GRID1: variants seen among roughly 807,000 people sequenced by gnomAD.
GRID1 encodes glutamate receptor ionotropic, delta-1.
Under a neutral mutation model 98.0 loss-of-function variants are expected in GRID1, and 28 were observed. The observed-to-expected ratio is 0.29, with a 90% confidence interval of 0.21 to 0.39. The LOEUF (loss-of-function observed/expected upper bound fraction) is 0.39. Among genes scored for constraint, GRID1 ranks in the 10% least tolerant of loss-of-function variants. The pLI is 1.00. For missense variants in GRID1, 1,111 were observed against 1,340.5 expected (o/e 0.83, Z 2.67); for synonymous variants, 553 against 538.5 (o/e 1.03, Z -0.37).
At chr10:85,811,673 GAACA>G (rs1016618421) in intron 8 of GRID1, among the ~76,000 whole-genome samples, 2 of 151,994 alleles carry the variant, frequency 1.3e-5, no homozygotes, top group African/African-American at 4.8e-5. Flanking sequence ...AAAAGAGAAA[GAACA>G]AATAAAGAAA....
intron 4 of GRID1, among the ~76,000 whole-genome samples, chr10:86,091,094 A>C (rs1050628397): frequency 1.3e-5 from 2 of 152,180 alleles, no homozygotes; most frequent in African/African-American, 4.8e-5. Flanking sequence ...GGAATTCTCT[A>C]GCTGAACTTT....
chr10:86,243,955 CTGCACATACA>C (rs1421537467), intron 2 of GRID1, among the ~76,000 whole-genome samples: 2 of 152,230 alleles, frequency 1.3e-5, no homozygotes, highest in African/African-American at 2.4e-5. Flanking sequence ...GCATACATAC[CTGCACATACA>C]TGCACACACG....
At chr10:85,991,599 G>A (rs1842680936) in intron 4 of GRID1, among the ~76,000 whole-genome samples, 1 of 152,194 alleles carries the variant, frequency 6.6e-6, no homozygotes, top group Admixed American at 6.5e-5. Context: ...GGAGGGCTCT[G>A]GGCTGATGCT....
At chr10:85,812,751 T>C (rs1333020103) in intron 8 of GRID1, among the ~76,000 whole-genome samples, 1 of 150,918 alleles carries the variant, frequency 6.6e-6, no homozygotes, top group East Asian at 1.9e-4. Context: ...TCTCTCTCTC[T>C]CCCTCCCCCC....
At chr10:86,117,539 C>T (rs1292298773) in intron 4 of GRID1, among the ~76,000 whole-genome samples, 2 of 151,516 alleles carry the variant, frequency 1.3e-5, no homozygotes, top group Non-Finnish European at 2.9e-5. Flanking sequence ...ATCACCACTA[C>T]CATCATCACC....
intron 4 of GRID1, among the ~76,000 whole-genome samples, chr10:86,004,957 C>G (rs554644397): frequency 1.6e-4 from 25 of 152,096 alleles, no homozygotes; most frequent in Non-Finnish European, 2.6e-4. Flanking sequence ...ATCATTGATT[C>G]CATTTTATAA....
intron 2 of GRID1, among the ~76,000 whole-genome samples, chr10:86,257,180 G>A (rs962802009): frequency 6.6e-6 from 1 of 152,196 alleles, no homozygotes; most frequent in African/African-American, 2.4e-5. Context: ...ATTTCAATGA[G>A]GTATTCACAC....
At chr10:85,841,945 T>C (rs979077935) in intron 8 of GRID1, among the ~76,000 whole-genome samples, 7 of 152,114 alleles carry the variant, frequency 4.6e-5, no homozygotes, top group Admixed American at 3.3e-4. Flanking sequence ...AAGAAAGACA[T>C]ACTATTCAAC....
chr10:85,974,560 T>C (rs1842448018), intron 4 of GRID1, among the ~76,000 whole-genome samples: 1 of 152,200 alleles, frequency 6.6e-6, no homozygotes, highest in Non-Finnish European at 1.5e-5. Context: ...GCACCAGTCA[T>C]TGGAGATATT....
At chr10:86,275,474 T>A (rs1184243381) in intron 2 of GRID1, among the ~76,000 whole-genome samples, 2 of 151,622 alleles carry the variant, frequency 1.3e-5, no homozygotes, top group African/African-American at 4.8e-5. Context: ...TTAAAACAAC[T>A]GTCTTAAATA....
chr10:86,347,480 C>G (rs1168666216), intron 2 of GRID1, among the ~76,000 whole-genome samples: 1 of 152,204 alleles, frequency 6.6e-6, no homozygotes, highest in African/African-American at 2.4e-5. Context: ...CCATACCAGC[C>G]CAGTGAGCTG....
chr10:86,163,649 G>A (rs12570912), intron 3 of GRID1, among the ~76,000 whole-genome samples: 1 of 152,164 alleles, frequency 6.6e-6, no homozygotes, highest in African/African-American at 2.4e-5. Context: ...CAGAGGCTGA[G>A]ACTTTGAGCC....
At chr10:85,672,637 G>A (rs1193524601) in intron 12 of GRID1, among the ~76,000 whole-genome samples, 1 of 152,088 alleles carries the variant, frequency 6.6e-6, no homozygotes, top group Non-Finnish European at 1.5e-5. Flanking sequence ...AACAAGGCCT[G>A]TGTGATAGCA....
At chr10:85,647,131 C>A (rs1843204234) in intron 13 of GRID1, 71 bp downstream of exon 13, 1 of 1,246,744 alleles carries the variant, frequency 8.0e-7, no homozygotes, top group South Asian at 1.3e-5. Context: ...CTGGAGGTGT[C>A]TCCCACCTGG....
intron 8 of GRID1, among the ~76,000 whole-genome samples, chr10:85,731,150 A>C (rs1416893648): frequency 6.6e-6 from 1 of 152,146 alleles, no homozygotes; most frequent in Non-Finnish European, 1.5e-5. Flanking sequence ...AAGAGACAAC[A>C]ACTCTGAGAT....
chr10:86,069,791 C>T (rs1417259847), intron 4 of GRID1, among the ~76,000 whole-genome samples: 1 of 152,240 alleles, frequency 6.6e-6, no homozygotes, highest in African/African-American at 2.4e-5. Context: ...CAGCCAGCGT[C>T]TTCATTTCCT....
Position 86,206,718 on chromosome 10 carries a change from GC to G in GRID1, c.236-71del. ...ATGCTGCACCAGCTTCAACCTGCAG[GC>G]CCCATGCCTGGCAGCTCATGCCCAG... is the stretch of plus-strand genomic sequence containing the variant. On this transcript the variant is annotated intron_variant, in intron 2 of 15. Coordinates refer to ENST00000327946, the MANE Select transcript of GRID1 (RefSeq NM_017551.3). This position sits in a 1 kb window ranked among gnomAD's most constrained non-coding sequence, Gnocchi z 4.1. 2.1e-6 allele frequency: 3 copies of G among 1,432,050 alleles called. No homozygotes were observed. Among genetic ancestry groups the G allele is most frequent in the Non-Finnish European group, 1.9e-6 (2 of 1,045,410 alleles). 88.7% of individuals were successfully genotyped at this position (1,432,050 alleles called of 1,614,324 possible). A position where few individuals can be genotyped will look rare whatever the true frequency, so the allele number is the denominator to read the frequency against.
intron 2 of GRID1, among the ~76,000 whole-genome samples, chr10:86,237,486 G>T (rs1404339751): frequency 6.6e-6 from 1 of 152,164 alleles, no homozygotes; most frequent in East Asian, 1.9e-4. Context: ...GGATCACGAG[G>T]TCAGGAGTTC....
intron 2 of GRID1, among the ~76,000 whole-genome samples, chr10:86,309,467 T>A (rs1847803137): frequency 6.6e-6 from 1 of 152,218 alleles, no homozygotes; most frequent in South Asian, 2.1e-4. Context: ...GGATCATGCC[T>A]GCATGCTCAT....
Sources: allele counts gnomAD v4.1 joint callset (sites outside exome capture counted in the v4.1 genomes callset), GRCh38; gene constraint gnomAD v4.1.1; non-coding constraint Gnocchi (gnomAD v3.1); transcripts MANE v1.5; gene names NCBI Gene and HGNC (gene_info 2026-07-23, HGNC 2026-07-21).